Variants in CTNND2 observed in about 807,000 individuals in gnomAD.
CTNND2 encodes the protein catenin delta-2.
CTNND2 carries 22 observed loss-of-function variants against 144.4 expected under a neutral mutation model. That is an observed-to-expected ratio of 0.15 (90% CI 0.11 to 0.22). CTNND2 has a LOEUF of 0.22. Among genes scored for constraint, CTNND2 ranks in the 10% least tolerant of loss-of-function variants. The probability of loss-of-function intolerance (pLI) is 1.00; values close to 1 mark genes in which losing one functional copy is unlikely to be tolerated. For missense variants in CTNND2, 1,353 were observed against 1,618.8 expected, an observed-to-expected ratio of 0.84 and a Z score of 2.82; for synonymous variants, 751 against 695.6, an observed-to-expected ratio of 1.08 and a Z score of -1.25.
intron 9 of CTNND2, among the ~76,000 whole-genome samples, chr5:11,273,398 G>A (rs1037277879): frequency 6.6e-6 from 1 of 152,208 alleles, no homozygotes; most frequent in Non-Finnish European, 1.5e-5. Flanking sequence ...TGCCTTCAGT[G>A]AGCCAGATGC....
chr5:11,350,111 T>C (rs559927559), intron 8 of CTNND2, among the ~76,000 whole-genome samples: 1 of 152,196 alleles, frequency 6.6e-6, no homozygotes, highest in South Asian at 2.1e-4. Flanking sequence ...CACTCCAGCT[T>C]GGGTGGCAGA....
intron 9 of CTNND2, among the ~76,000 whole-genome samples, chr5:11,299,800 A>C (rs1561177755): frequency 6.6e-6 from 1 of 152,288 alleles, no homozygotes; most frequent in East Asian, 1.9e-4. Flanking sequence ...GAAGGCCTTG[A>C]CATTTGCAGA....
At chr5:11,607,435 A>G (rs1780107540) in intron 2 of CTNND2, among the ~76,000 whole-genome samples, 2 of 152,230 alleles carry the variant, frequency 1.3e-5, no homozygotes, top group Admixed American at 1.3e-4. Context: ...TGGCAAGAAA[A>G]AAATAATTTT....
chr5:11,904,391 G>C lies in CTNND2; in HGVS notation c.-538C>G. Among the ~76,000 whole-genome samples, 1 of 151,460 alleles carries C rather than the reference G, an allele frequency of 6.6e-6. No individual in the cohort carries two copies. The highest frequency in any genetic ancestry group is 2.0e-4 in the East Asian group (1 of 5,062). ...CCACCTAAACCTCGGCGGCCGGCCCGGGCGCCCGGCTAGTGAGGGAGCGTC... is the reference window on the plus strand; with the variant it reads ...CCACCTAAACCTCGGCGGCCGGCCCCGGCGCCCGGCTAGTGAGGGAGCGTC... On this transcript the variant is annotated 5_prime_UTR_variant, in exon 1 of 22. Transcript: ENST00000304623. The surrounding 1 kb of genome is among the most constrained non-coding windows in gnomAD (Gnocchi z 4.2).
intron 3 of CTNND2, among the ~76,000 whole-genome samples, chr5:11,420,140 A>G (rs1285731881): frequency 6.6e-6 from 1 of 152,130 alleles, no homozygotes; most frequent in East Asian, 1.9e-4. Context: ...TGGCCAACAC[A>G]GTGAAACCCC....
chr5:11,573,784 A>T (rs1051061298), intron 2 of CTNND2, among the ~76,000 whole-genome samples: 5 of 152,210 alleles, frequency 3.3e-5, no homozygotes, highest in African/African-American at 1.2e-4. Context: ...CACATTCAAT[A>T]AAATAAAAAT....
intron 2 of CTNND2, among the ~76,000 whole-genome samples, chr5:11,597,655 C>A (rs1779581482): frequency 6.6e-6 from 1 of 151,994 alleles, no homozygotes; most frequent in Admixed American, 6.5e-5. Context: ...CTTACTGCAG[C>A]CTTAACCTCT....
At chr5:11,189,637 A>G (rs1355469203) in intron 11 of CTNND2, among the ~76,000 whole-genome samples, 3 of 152,320 alleles carry the variant, frequency 2.0e-5, no homozygotes, top group Non-Finnish European at 4.4e-5. Context: ...TTGACTTTTT[A>G]TGTTACTGGT....
Position 11,035,066 on chromosome 5 carries a change from C to T in CTNND2, c.2789-12087G>A, listed in dbSNP as rs535062964. Among the ~76,000 whole-genome samples, 3 of 138,998 alleles carry T rather than the reference C, an allele frequency of 2.2e-5. No homozygotes were observed. In the East Asian group the frequency reaches 6.7e-4, roughly 31 times the overall value. The allele number at this position is 138,998 out of a possible 152,430, so 91.2% of individuals were successfully genotyped here. A position where few individuals can be genotyped will look rare whatever the true frequency, so the allele number is the denominator to read the frequency against. On this transcript the variant is annotated intron_variant, in intron 16 of 21. Transcript: ENST00000304623. Reference sequence around the variant, plus strand: ...GTCCCCAGAGTGTGATGTTCCCCTTCCTGTGTCCATGTGTTCTCATTGTTC... The same window carrying T: ...GTCCCCAGAGTGTGATGTTCCCCTTTCTGTGTCCATGTGTTCTCATTGTTC...
At chr5:11,641,578 ATGTATATACATATACGTGTG>A (rs1170253994) in intron 2 of CTNND2, among the ~76,000 whole-genome samples, 2,308 of 140,822 alleles carry the variant, frequency 0.016, 82 homozygotes, top group African/African-American at 0.062. Context: ...ATACGTGTGT[ATGTATATACATATACGTGTG>A]TGTATATACA....
rs182704850 is a variant in CTNND2 at position 11,404,218 on chromosome 5, T to C, written c.440-7015A>G. 3.5e-3 allele frequency among the ~76,000 whole-genome samples: 529 copies of C among 152,318 alleles called. 2 individuals carry two copies. The highest frequency in any genetic ancestry group is 9.9e-3 in the South Asian group (48 of 4,828). The stretch of plus-strand genomic sequence containing the variant: ...AAGCAAGTATCTCTTAGTATTATTA[T>C]GAAAACCTTTTGGCTTTGAAAGTCC... On this transcript the variant is annotated intron_variant, in intron 5 of 21. Transcript: ENST00000304623.
intron 1 of CTNND2, among the ~76,000 whole-genome samples, chr5:11,815,801 C>G (rs960645950): frequency 1.3e-5 from 2 of 152,178 alleles, no homozygotes; most frequent in African/African-American, 2.4e-5. Context: ...CAGCCTCCCC[C>G]AAGACTTGCC....
At chr5:11,163,012 T>G (rs1758950935) in intron 11 of CTNND2, among the ~76,000 whole-genome samples, 1 of 151,984 alleles carries the variant, frequency 6.6e-6, no homozygotes, top group African/African-American at 2.4e-5. Flanking sequence ...GAAAATAAAT[T>G]TTTTCCTCAA....
intron 9 of CTNND2, among the ~76,000 whole-genome samples, chr5:11,240,506 CCAACACACACACA>C (rs1742217194): frequency 7.7e-6 from 1 of 130,580 alleles, no homozygotes; most frequent in African/African-American, 3.0e-5. Flanking sequence ...ACACACACAC[CCAACACACACACA>C]CCCAACACAC....
chr5:11,788,287 G>T, intron 1 of CTNND2, among the ~76,000 whole-genome samples: 1 of 28,666 alleles, frequency 3.5e-5, no homozygotes, highest in Non-Finnish European at 7.4e-4. Flanking sequence ...ATAACTTCTT[G>T]CACAAGACAG....
At chr5:11,842,981 A>C (rs116741714) in intron 1 of CTNND2, among the ~76,000 whole-genome samples, 2 of 152,172 alleles carry the variant, frequency 1.3e-5, no homozygotes, top group African/African-American at 4.8e-5. Flanking sequence ...TGTTGTATAG[A>C]AGAAACATTA....
intron 2 of CTNND2, among the ~76,000 whole-genome samples, chr5:11,711,177 T>G (rs560975504): frequency 6.6e-6 from 1 of 152,230 alleles, no homozygotes; most frequent in South Asian, 2.1e-4. Flanking sequence ...TGCTTAAGTC[T>G]CTGGAGTAGC....
At chr5:11,405,871 G>A (rs939378998) in intron 5 of CTNND2, among the ~76,000 whole-genome samples, 1 of 152,136 alleles carries the variant, frequency 6.6e-6, no homozygotes, top group African/African-American at 2.4e-5. Context: ...GAACAGTCTT[G>A]TTTGTATTTT....
chr5:11,378,467 T>G (rs1434732146), intron 7 of CTNND2, among the ~76,000 whole-genome samples: 1 of 152,248 alleles, frequency 6.6e-6, no homozygotes, highest in Non-Finnish European at 1.5e-5. Context: ...TTGATTGATA[T>G]CACAGGTTGA....
Sources: allele counts gnomAD v4.1 joint callset (sites outside exome capture counted in the v4.1 genomes callset), GRCh38; gene constraint gnomAD v4.1.1; non-coding constraint Gnocchi (gnomAD v3.1); transcripts MANE v1.5; gene names NCBI Gene and HGNC (gene_info 2026-07-23, HGNC 2026-07-21).